Variants in COLEC10 observed in about 807,000 individuals in gnomAD.
COLEC10 encodes the protein collectin-10.
COLEC10 carries 22 observed loss-of-function variants against 28.4 expected under a neutral mutation model. The ratio of observed to expected loss-of-function variants is 0.78; its 90% CI spans 0.55 to 1.11. The LOEUF is 1.11. Among genes scored for constraint, COLEC10 ranks in the 50% least tolerant of loss-of-function variants. COLEC10 has a pLI of 0.00. For synonymous variants in COLEC10, 125 were observed against 116.1 expected, an observed-to-expected ratio of 1.08 and a Z score of -0.49; for missense variants, 361 against 344.1, an observed-to-expected ratio of 1.05 and a Z score of -0.39.
upstream of COLEC10, among the ~76,000 whole-genome samples, chr8:119,066,318 A>G (rs1295747130): frequency 6.6e-6 from 1 of 152,186 alleles, no homozygotes; most frequent in Non-Finnish European, 1.5e-5. Flanking sequence ...CTATTTGTAC[A>G]GGTTATAGGT....
At chr8:119,037,655 A>C (rs1291903532) in intron 2 of COLEC10, among the ~76,000 whole-genome samples, 1 of 152,212 alleles carries the variant, frequency 6.6e-6, no homozygotes, top group Admixed American at 6.5e-5. Flanking sequence ...GAAATTCCAG[A>C]TATTTAAATG....
rs146868736 is a variant in COLEC10, at chr8:119,007,230, A to C, written n.123-2211A>C. Among the ~76,000 whole-genome samples, 16 of 152,230 alleles carry C rather than the reference A, an allele frequency of 1.1e-4. 1 individual carries two copies. Among genetic ancestry groups the C allele is most frequent in the African/African-American group, 3.8e-4 (16 of 41,564 alleles). ...ACTTTGATATAGCCTGGCATACCATAACTAATAAATCCCAGAAACAGATAG... is the reference window on the plus strand; with the variant it reads ...ACTTTGATATAGCCTGGCATACCATCACTAATAAATCCCAGAAACAGATAG... On this transcript the variant is annotated intron_variant and non_coding_transcript_variant, in intron 1 of 6. Coordinates refer to the COLEC10 transcript ENST00000521788.
At chr8:119,046,138 T>G (rs889196326) in intron 2 of COLEC10, among the ~76,000 whole-genome samples, 1 of 152,202 alleles carries the variant, frequency 6.6e-6, no homozygotes, top group Non-Finnish European at 1.5e-5. Context: ...CATTATTGGT[T>G]CTGAAGGAGG....
chr8:119,023,518 A>G (rs1409008248), intron 2 of COLEC10, among the ~76,000 whole-genome samples: 1 of 152,180 alleles, frequency 6.6e-6, no homozygotes, highest in Non-Finnish European at 1.5e-5. Context: ...ACTTTGTTCC[A>G]AAGACTTATT....
At chr8:119,002,673 C>G (rs1461398335) in intron 1 of COLEC10, among the ~76,000 whole-genome samples, 1 of 152,060 alleles carries the variant, frequency 6.6e-6, no homozygotes, top group Non-Finnish European at 1.5e-5. Flanking sequence ...CTTCTAGCCA[C>G]TACAAGTTCA....
chr8:119,019,896 C>T (rs1193084489), intron 2 of COLEC10, among the ~76,000 whole-genome samples: 1 of 152,116 alleles, frequency 6.6e-6, no homozygotes, highest in Non-Finnish European at 1.5e-5. Context: ...GTGATGTCAT[C>T]TGGCTTCATG....
the COLEC10 span, among the ~76,000 whole-genome samples, chr8:118,986,350 C>CT: frequency 2.0e-5 from 3 of 152,084 alleles, no homozygotes; most frequent in African/African-American, 4.8e-5. Context: ...AGTTCATTCA[C>CT]TGAAGAGTTA....
At chr8:119,004,759 C>T (rs1054570950) in intron 1 of COLEC10, among the ~76,000 whole-genome samples, 2 of 151,766 alleles carry the variant, frequency 1.3e-5, no homozygotes, top group Non-Finnish European at 2.9e-5. Flanking sequence ...CAATTGCTCA[C>T]CTGGGAGTAA....
At chr8:119,007,572 C>T (rs182321868) in intron 1 of COLEC10, among the ~76,000 whole-genome samples, 21 of 151,264 alleles carry the variant, frequency 1.4e-4, no homozygotes, top group Admixed American at 3.3e-4. Flanking sequence ...TGATTTACAA[C>T]TTGGGAGCCC....
the COLEC10 span, among the ~76,000 whole-genome samples, chr8:118,964,903 GT>G: frequency 6.6e-6 from 1 of 152,162 alleles, no homozygotes; most frequent in African/African-American, 2.4e-5. Context: ...TAAGTTATTT[GT>G]AGCAGAATAA....
chr8:119,103,722 T>C (rs993430520), intron 4 of COLEC10, 78 bp from the exon 5 acceptor site: 2 of 838,068 alleles, frequency 2.4e-6, no homozygotes, highest in South Asian at 1.4e-5. Context: ...ATAGTGAATA[T>C]TGGAAAGAGA....
At chr8:119,031,102 T>C (rs1478507912) in intron 2 of COLEC10, among the ~76,000 whole-genome samples, 3 of 152,252 alleles carry the variant, frequency 2.0e-5, no homozygotes, top group African/African-American at 4.8e-5. Flanking sequence ...AATGCTGTTT[T>C]ATGGTTATAA....
At chr8:118,955,375 T>C in the COLEC10 span, among the ~76,000 whole-genome samples, 5 of 152,318 alleles carry the variant, frequency 3.3e-5, no homozygotes, top group South Asian at 8.3e-4. Context: ...AAGAAAGATG[T>C]CACTTTCTGA....
intron 1 of COLEC10, 79 bp from the exon 2 acceptor site, chr8:119,089,601 A>G (rs768633063): frequency 2.5e-5 from 28 of 1,136,794 alleles, no homozygotes; most frequent in South Asian, 1.3e-4. Flanking sequence ...GATTGTAACC[A>G]TGTCCACCTT....
rs75529702 is a variant in COLEC10, at chr8:119,097,649, C to T, written c.293-4699C>T. Among the ~76,000 whole-genome samples the T allele has an allele frequency of 8.8e-3, 1,340 of 152,040 alleles. 21 individuals carry two copies. The highest frequency in any genetic ancestry group is 0.031 in the African/African-American group (1,276 of 41,490). On this transcript the variant is annotated intron_variant, in intron 3 of 5. Transcript: ENST00000332843. ...TGTATAAGCTTCAGATAAAATGCAT[C>T]ATGGATCTGTCCCTATCTGTATCAA...
chr8:118,982,583 T>C, the COLEC10 span: 1 of 192,264 alleles, frequency 5.2e-6, no homozygotes, highest in Non-Finnish European at 1.1e-5. Flanking sequence ...CTTCATCTTT[T>C]TCCTTCTGAA....
At chr8:119,034,074 G>C (rs1251886063) in intron 2 of COLEC10, among the ~76,000 whole-genome samples, 1 of 152,162 alleles carries the variant, frequency 6.6e-6, no homozygotes. Context: ...AAAAAAGGAT[G>C]AGTTCATGTC....
chr8:119,040,189 C>T (rs901915427), intron 2 of COLEC10, among the ~76,000 whole-genome samples: 5 of 152,136 alleles, frequency 3.3e-5, no homozygotes, highest in African/African-American at 1.2e-4. Flanking sequence ...AATTATGTTT[C>T]TCTGTAACTT....
At chr8:119,105,243 AC>A (rs1413700466) in intron 5 of COLEC10, among the ~76,000 whole-genome samples, 1 of 152,194 alleles carries the variant, frequency 6.6e-6, no homozygotes, top group East Asian at 1.9e-4. Flanking sequence ...ATGCAGGCAA[AC>A]GATGAGACTA....
Sources: gnomAD v4.1 joint callset for allele counts (sites outside exome capture counted in the v4.1 genomes callset) on GRCh38, gnomAD v4.1.1 for gene constraint, MANE v1.5 for transcripts, NCBI Gene and HGNC (gene_info 2026-07-23, HGNC 2026-07-21) for gene names.